The following NUP210L variants were observed in gnomAD, a reference collection of about 807,000 sequenced individuals.
The protein encoded by NUP210L is nucleoporin 210 like, also known as nuclear pore membrane glycoprotein 210-like.
A neutral mutation model predicts 208.5 loss-of-function variants in NUP210L; 74 were observed. The ratio of observed to expected loss-of-function variants is 0.35; its 90% CI spans 0.29 to 0.43. NUP210L has a LOEUF of 0.43. Ranked by LOEUF, NUP210L falls within the 20% of genes least tolerant of loss-of-function variation. The pLI, the probability that NUP210L is intolerant of heterozygous loss-of-function variation, is 1.00. For synonymous variants in NUP210L, 780 were observed against 816.9 expected, an observed-to-expected ratio of 0.95 and a Z score of 0.77; for missense variants, 1,843 against 2,289.4, an observed-to-expected ratio of 0.81 and a Z score of 3.98.
chr1:154,041,766 G>C (rs886159210), intron 27 of NUP210L, among the ~76,000 whole-genome samples: 4 of 152,140 alleles, frequency 2.6e-5, no homozygotes, highest in Non-Finnish European at 4.4e-5. Flanking sequence ...TGATAATAGG[G>C]AAGGCAGGAC....
chr1:154,108,591 C>T (rs1656889862), intron 12 of NUP210L, among the ~76,000 whole-genome samples: 1 of 151,086 alleles, frequency 6.6e-6, no homozygotes, highest in African/African-American at 2.5e-5. Flanking sequence ...GGTAACCTGA[C>T]AAAAATAAAA....
chr1:154,018,904 C>T (rs374515115), intron 33 of NUP210L, 29 bp downstream of exon 33: 9 of 1,611,544 alleles, frequency 5.6e-6, no homozygotes, highest in Non-Finnish European at 7.6e-6. Flanking sequence ...TCACCCTAGT[C>T]TCTTAAACTC....
intron 32 of NUP210L, among the ~76,000 whole-genome samples, chr1:154,020,242 A>C (rs1185190748): frequency 6.6e-6 from 1 of 152,254 alleles, no homozygotes; most frequent in Non-Finnish European, 1.5e-5. Flanking sequence ...CCAAAACCAT[A>C]CATTACTACA....
At chr1:154,148,767 AC>A (rs1037214362) in intron 2 of NUP210L, among the ~76,000 whole-genome samples, 2 of 152,194 alleles carry the variant, frequency 1.3e-5, no homozygotes, top group African/African-American at 4.8e-5. Context: ...AAAGACAAAG[AC>A]ATGGGGGTCT....
At position 154,146,748 on chromosome 1, in the gene NUP210L, C is replaced by A. The variant is rs115454467; in HGVS notation, c.341-3171G>T. On this transcript the variant is annotated intron_variant, in intron 2 of 39. Coordinates refer to ENST00000368559, the Ensembl canonical transcript of NUP210L. Reference sequence around the variant, plus strand: ...TCCCTCAAATATTTATTAGTTATTGCAGTGGTTAATACATGTGCACAAATC... The same window carrying A: ...TCCCTCAAATATTTATTAGTTATTGAAGTGGTTAATACATGTGCACAAATC... Among the ~76,000 whole-genome samples the A allele has an allele frequency of 8.7e-3, 1,327 of 152,154 alleles. 18 individuals carry two copies. The highest frequency in any genetic ancestry group is 0.031 in the African/African-American group (1,288 of 41,516).
intron 30 of NUP210L, 28 bp downstream of exon 30, chr1:154,025,514 G>GTT: frequency 7.0e-7 from 1 of 1,431,704 alleles, no homozygotes; most frequent in Non-Finnish European, 9.3e-7. Flanking sequence ...TTATTTATTT[G>GTT]TTTTTTTTAG....
At chr1:154,023,773 C>T (rs984469775) in intron 30 of NUP210L, among the ~76,000 whole-genome samples, 5 of 151,424 alleles carry the variant, frequency 3.3e-5, no homozygotes, top group African/African-American at 7.3e-5. Flanking sequence ...CCACTGTGCC[C>T]GGCTTGAAAT....
intron 16 of NUP210L, among the ~76,000 whole-genome samples, chr1:154,070,974 T>C (rs1654683831): frequency 6.6e-6 from 1 of 152,234 alleles, no homozygotes; most frequent in African/African-American, 2.4e-5. Flanking sequence ...TTGTATTTGA[T>C]TGTTTACCTT....
At chr1:154,055,594 C>T (rs1004299580) in intron 23 of NUP210L, among the ~76,000 whole-genome samples, 5 of 151,992 alleles carry the variant, frequency 3.3e-5, no homozygotes, top group African/African-American at 9.7e-5. Flanking sequence ...TGGGGTCTCC[C>T]TATGTTACCC....
At chr1:154,022,995 T>G (rs962035019) in intron 31 of NUP210L, 127 bp downstream of exon 31, 11 of 1,071,668 alleles carry the variant, frequency 1.0e-5, no homozygotes, top group Non-Finnish European at 1.5e-5. Context: ...AAAATTTTTT[T>G]TAACAAAAGA....
chr1:153,998,412 A>G (rs543013389), intron 37 of NUP210L, among the ~76,000 whole-genome samples: 103 of 152,074 alleles, frequency 6.8e-4, no homozygotes, highest in African/African-American at 1.9e-3. Context: ...AAAATTAGCC[A>G]GGCGTGGTGG....
intron 12 of NUP210L, among the ~76,000 whole-genome samples, chr1:154,116,233 C>T (rs569641522): frequency 2.2e-5 from 3 of 133,486 alleles, no homozygotes; most frequent in South Asian, 2.4e-4. Flanking sequence ...CCAGCCTTGG[C>T]GACAGAAAGA....
At chr1:154,038,150 T>G (rs1012872663) in intron 27 of NUP210L, among the ~76,000 whole-genome samples, 3 of 151,982 alleles carry the variant, frequency 2.0e-5, no homozygotes, top group African/African-American at 7.2e-5. Flanking sequence ...TTTTATCTTT[T>G]GAGACAGGGT....
chr1:154,008,959 G>T (rs1430795253), intron 35 of NUP210L, among the ~76,000 whole-genome samples: 1 of 151,586 alleles, frequency 6.6e-6, no homozygotes, highest in Non-Finnish European at 1.5e-5. Context: ...GCCCAGTCTG[G>T]AGTGCAGTGG....
chr1:153,992,694 A>T, exon 40 of NUP210L: 1 of 648,664 alleles, frequency 1.5e-6, no homozygotes, highest in Non-Finnish European at 2.7e-6. Context: ...TACCAGTTTT[A>T]AGAAACAGCT....
At chr1:154,078,287 A>C (rs1655144553) in intron 16 of NUP210L, among the ~76,000 whole-genome samples, 1 of 151,498 alleles carries the variant, frequency 6.6e-6, no homozygotes, top group East Asian at 1.9e-4. Flanking sequence ...AGGAAAACAG[A>C]GGAAGATCCT....
At chr1:154,066,090 A>G (rs1183827825) in intron 17 of NUP210L, among the ~76,000 whole-genome samples, 2 of 152,120 alleles carry the variant, frequency 1.3e-5, no homozygotes, top group South Asian at 2.1e-4. Context: ...GAACAAAGAC[A>G]CAACATACCA....
chr1:154,019,142 A>C, intron 32 of NUP210L, 73 bp from the exon 33 acceptor site: 3 of 1,485,926 alleles, frequency 2.0e-6, no homozygotes, highest in Non-Finnish European at 2.8e-6. Flanking sequence ...TCATACTCCA[A>C]ATCAGTAAAT....
intron 10 of NUP210L, among the ~76,000 whole-genome samples, chr1:154,123,586 G>A (rs910013510): frequency 6.6e-6 from 1 of 151,850 alleles, no homozygotes; most frequent in African/African-American, 2.4e-5. Flanking sequence ...AGTTTAAAAA[G>A]TTATTAATGG....
Sources: allele counts gnomAD v4.1 joint callset (sites outside exome capture counted in the v4.1 genomes callset), GRCh38; gene constraint gnomAD v4.1.1; transcripts MANE v1.5; gene names NCBI Gene and HGNC (gene_info 2026-07-23, HGNC 2026-07-21).